ABCA4: variants seen among roughly 807,000 people sequenced by gnomAD.
ABCA4 encodes retinal-specific phospholipid-transporting ATPase ABCA4.
A neutral mutation model predicts 263.7 loss-of-function variants in ABCA4; 196 were observed. That is an observed-to-expected ratio of 0.74 (90% CI 0.66 to 0.84). The LOEUF (loss-of-function observed/expected upper bound fraction) is 0.84, where lower values mean the gene tolerates loss of function less well. Among genes scored for constraint, ABCA4 ranks in the 40% least tolerant of loss-of-function variants. The pLI, the probability that ABCA4 is intolerant of heterozygous loss-of-function variation, is 0.00. For missense variants in ABCA4, 2,792 were observed against 2,855.1 expected, an observed-to-expected ratio of 0.98 and a Z score of 0.50; for synonymous variants, 1,133 against 1,094.2, an observed-to-expected ratio of 1.04 and a Z score of -0.70.
chr1:94,074,713 G>A (rs1661492332), intron 11 of ABCA4, among the ~76,000 whole-genome samples: 1 of 152,202 alleles, frequency 6.6e-6, no homozygotes, highest in Non-Finnish European at 1.5e-5. Flanking sequence ...AAATAGGAAG[G>A]CTTTTACACT....
intron 1 of ABCA4, among the ~76,000 whole-genome samples, chr1:94,113,891 C>G (rs1662675752): frequency 6.6e-6 from 1 of 152,210 alleles, no homozygotes; most frequent in South Asian, 2.1e-4. Flanking sequence ...GATCCAGTGG[C>G]TGTGGCAGTC....
intron 13 of ABCA4, 30 bp downstream of exon 13, chr1:94,062,547 A>T: frequency 6.2e-7 from 1 of 1,600,488 alleles, no homozygotes. Context: ...TTAGCGTGTC[A>T]TGGAGGAGGA....
intron 45 of ABCA4, 26 bp from the exon 46 acceptor site, chr1:94,001,131 G>A (rs1472057699): frequency 6.3e-7 from 1 of 1,582,142 alleles, no homozygotes; most frequent in Non-Finnish European, 8.7e-7. Context: ...AAGGTTGGGG[G>A]CACAGGCTGG....
intron 11 of ABCA4, among the ~76,000 whole-genome samples, chr1:94,071,876 A>T (rs191887733): frequency 6.5e-4 from 99 of 152,296 alleles, no homozygotes; most frequent in Non-Finnish European, 1.2e-3. Flanking sequence ...TGTTTGTGTG[A>T]TGCAGACTTC....
intron 26 of ABCA4, among the ~76,000 whole-genome samples, chr1:94,034,286 A>G (rs536054462): frequency 5.8e-4 from 88 of 152,312 alleles, no homozygotes; most frequent in South Asian, 5.2e-3. Flanking sequence ...ACTCATTAGA[A>G]GCAGGGAGCC....
intron 6 of ABCA4, among the ~76,000 whole-genome samples, chr1:94,087,904 G>T (rs1025733501): frequency 2.0e-5 from 3 of 152,126 alleles, no homozygotes; most frequent in African/African-American, 4.8e-5. Flanking sequence ...CTGAGGCTTC[G>T]CCAGCCCTTC....
At chr1:94,077,317 A>G (rs1027447403) in intron 11 of ABCA4, among the ~76,000 whole-genome samples, 1 of 152,138 alleles carries the variant, frequency 6.6e-6, no homozygotes, top group Non-Finnish European at 1.5e-5. Flanking sequence ...TGCTTGTAGA[A>G]CTTGAGGGCA....
At chr1:94,003,373 A>T (rs1169852023) in intron 44 of ABCA4, among the ~76,000 whole-genome samples, 1 of 150,090 alleles carries the variant, frequency 6.7e-6, no homozygotes. Context: ...TTTTTAAGGA[A>T]TATTCCTTCT....
intron 21 of ABCA4, 126 bp downstream of exon 21, chr1:94,043,210 T>C: frequency 7.3e-7 from 1 of 1,368,418 alleles, no homozygotes; most frequent in Non-Finnish European, 1.0e-6. Flanking sequence ...AGATTTTTGG[T>C]GTAACTTCAC....
intron 17 of ABCA4, among the ~76,000 whole-genome samples, chr1:94,050,918 C>T (rs4147836): frequency 0.25 from 38,059 of 152,190 alleles, 5,607 homozygotes; most frequent in East Asian, 0.74. Context: ...TGGGAGAGTA[C>T]TTCAGCTCTA....
intron 11 of ABCA4, among the ~76,000 whole-genome samples, chr1:94,071,785 T>C (rs1661405557): frequency 1.3e-5 from 2 of 152,192 alleles, no homozygotes; most frequent in African/African-American, 4.8e-5. Context: ...CAGTTATATG[T>C]TTCTTAGAGA....
intron 25 of ABCA4, 146 bp from the exon 26 acceptor site, chr1:94,036,934 T>C (rs1175550881): frequency 2.1e-6 from 2 of 951,546 alleles, no homozygotes; most frequent in East Asian, 2.6e-5. Context: ...CTTCTATAAA[T>C]ACAAAAACGT....
At chr1:94,109,399 C>T (rs1043066433) in intron 3 of ABCA4, among the ~76,000 whole-genome samples, 3 of 152,214 alleles carry the variant, frequency 2.0e-5, no homozygotes, top group Admixed American at 1.3e-4. Context: ...GACAGCCATG[C>T]TTCATCCACA....
intron 7 of ABCA4, among the ~76,000 whole-genome samples, chr1:94,082,289 TG>T (rs1389595324): frequency 2.6e-5 from 4 of 152,242 alleles, no homozygotes; most frequent in Admixed American, 1.3e-4. Context: ...TCATATAAAC[TG>T]GGCCTTCTGC....
At chr1:94,096,445 G>A (rs1446879308) in intron 6 of ABCA4, among the ~76,000 whole-genome samples, 2 of 152,164 alleles carry the variant, frequency 1.3e-5, no homozygotes, top group Non-Finnish European at 2.9e-5. Context: ...CTTGGCCTCA[G>A]CACAGTGCCC....
chr1:94,049,006 G>T, intron 17 of ABCA4, 49 bp from the exon 18 acceptor site: 1 of 1,591,980 alleles, frequency 6.3e-7, no homozygotes. Flanking sequence ...AGCTGAGAAC[G>T]AGCAAAGGCA....
chr1:94,120,005 TCTTTCAGCTC>T (rs1662905370), intron 1 of ABCA4, among the ~76,000 whole-genome samples: 1 of 152,108 alleles, frequency 6.6e-6, no homozygotes, highest in African/African-American at 2.4e-5. Context: ...CCCTCCTTCC[TCTTTCAGCTC>T]CTTTAGTCAT....
At chr1:94,018,392 A>C (rs779049087) in intron 36 of ABCA4, among the ~76,000 whole-genome samples, 1 of 152,210 alleles carries the variant, frequency 6.6e-6, no homozygotes, top group Non-Finnish European at 1.5e-5. Flanking sequence ...CTCTTATCCA[A>C]AGAAAGGCTT....
rs528390066 is a variant in ABCA4, at chr1:94,065,539, G to A, written c.1555-2222C>T. On this transcript the variant is annotated intron_variant, in intron 11 of 49. Coordinates refer to ENST00000370225, the MANE Select transcript of ABCA4 (RefSeq NM_000350.3). ...AGAGTATGCACCGGAAGCCTCTGGC[G>A]ATTCAGAGGCTGTGTTTGAACAAGG... Among the ~76,000 whole-genome samples the A allele has an allele frequency of 5.3e-5, 8 of 152,314 alleles. No individual in the cohort carries two copies. In the East Asian group the frequency reaches 7.7e-4, roughly 15 times the overall value.
Sources: gnomAD v4.1 joint callset for allele counts (sites outside exome capture counted in the v4.1 genomes callset) on GRCh38, gnomAD v4.1.1 for gene constraint, MANE v1.5 for transcripts, NCBI Gene and HGNC (gene_info 2026-07-23, HGNC 2026-07-21) for gene names.